The following ZFAT variants were observed in gnomAD, a reference collection of about 807,000 sequenced individuals.
ZFAT encodes zinc finger protein ZFAT.
In ZFAT, 64 loss-of-function variants were observed where a neutral mutation model predicts 117.7. The observed-to-expected ratio is 0.54, with a 90% CI of 0.44 to 0.67. The LOEUF is 0.67. ZFAT is among the 30% of genes least tolerant of loss of function. The probability of loss-of-function intolerance (pLI) is 0.00; values close to 1 mark genes in which losing one functional copy is unlikely to be tolerated. For synonymous variants in ZFAT, 679 were observed against 615.0 expected (o/e 1.10, Z -1.54); for missense variants, 1,433 against 1,584.5 (o/e 0.90, Z 1.62).
intron 2 of ZFAT, among the ~76,000 whole-genome samples, chr8:134,642,674 A>C (rs969944751): frequency 6.6e-6 from 1 of 152,224 alleles, no homozygotes; most frequent in African/African-American, 2.4e-5. Context: ...TCCAATGTAG[A>C]ATTAAAGGCA....
chr8:134,698,949 C>A (rs2131352709), intron 1 of ZFAT, among the ~76,000 whole-genome samples: 1 of 152,314 alleles, frequency 6.6e-6, no homozygotes, highest in African/African-American at 2.4e-5. Context: ...GAATGTTTTT[C>A]TTGATTACTT....
rs1189288227 is a variant in ZFAT, at chr8:134,712,897, C to G, written c.-34G>C. ...CCCACCGCGGAGGAAAAAAAAGCCT[C>G]GGGCTCTTCCGGGCCCCCTCCCGTG... On this transcript the variant is annotated 5_prime_UTR_variant, in exon 1 of 16. Transcript: ENST00000377838. The G allele has an allele frequency of 2.7e-6, 4 of 1,497,180 alleles. No individual in the cohort carries two copies. The African/African-American group carries it at 4.4e-5, about 16-fold the overall frequency. 92.7% of individuals were successfully genotyped at this position (1,497,180 alleles called of 1,614,324 possible).
At chr8:134,534,775 A>AGAGAGAGAG (rs1821706312) in intron 11 of ZFAT, among the ~76,000 whole-genome samples, 77 of 136,440 alleles carry the variant, frequency 5.6e-4, no homozygotes, top group African/African-American at 2.1e-3. Context: ...GAGAGGGAGA[A>AGAGAGAGAG]AGAGAGAGAG....
chr8:134,687,540 C>T (rs1202643681), intron 1 of ZFAT, among the ~76,000 whole-genome samples: 2 of 152,086 alleles, frequency 1.3e-5, no homozygotes, highest in Non-Finnish European at 2.9e-5. Flanking sequence ...AGGAAAGCAC[C>T]ACAAATCATT....
intron 13 of ZFAT, among the ~76,000 whole-genome samples, chr8:134,518,663 T>G (rs1820415809): frequency 6.6e-6 from 1 of 151,896 alleles, no homozygotes; most frequent in South Asian, 2.1e-4. Context: ...GATATTAATT[T>G]TTTCTATATA....
intron 1 of ZFAT, among the ~76,000 whole-genome samples, chr8:134,694,493 T>A (rs945852172): frequency 5.3e-5 from 8 of 152,164 alleles, no homozygotes; most frequent in South Asian, 2.1e-4. Context: ...CTCTCTCCAT[T>A]TTTCTGTAAG....
intron 5 of ZFAT, among the ~76,000 whole-genome samples, chr8:134,604,343 A>G (rs7003870): frequency 0.76 from 115,403 of 152,184 alleles, 44,047 homozygotes; most frequent in East Asian, 0.91. Flanking sequence ...CCTCTCTACC[A>G]CCTGAAATCA....
chr8:134,639,978 G>T, intron 2 of ZFAT: 1 of 352,414 alleles, frequency 2.8e-6, no homozygotes, highest in South Asian at 2.1e-5. Flanking sequence ...CTACAGGGAG[G>T]TGATTTCTAG....
the ZFAT span, among the ~76,000 whole-genome samples, chr8:134,729,640 T>C: frequency 2.0e-5 from 3 of 152,204 alleles, no homozygotes; most frequent in Admixed American, 6.5e-5. Context: ...GCCCCGCTTC[T>C]GACTGCCACT....
the ZFAT span, among the ~76,000 whole-genome samples, chr8:134,820,588 T>C: frequency 1.3e-5 from 2 of 152,232 alleles, no homozygotes; most frequent in East Asian, 3.8e-4. Context: ...GGACCAGCCA[T>C]AGCTAAGTCA....
At chr8:134,817,901 G>A in the ZFAT span, among the ~76,000 whole-genome samples, 6 of 152,050 alleles carry the variant, frequency 3.9e-5, no homozygotes, top group African/African-American at 1.4e-4. Context: ...TTATTCACAG[G>A]GGGAAAAGGG....
At chr8:134,533,787 T>C (rs1821609662) in intron 11 of ZFAT, among the ~76,000 whole-genome samples, 1 of 152,172 alleles carries the variant, frequency 6.6e-6, no homozygotes, top group Non-Finnish European at 1.5e-5. Flanking sequence ...ATAGTGGGGC[T>C]GGGGAAAGAA....
chr8:134,819,870 GA>G, the ZFAT span, among the ~76,000 whole-genome samples: 122 of 144,204 alleles, frequency 8.5e-4, no homozygotes, highest in African/African-American at 2.4e-3. Flanking sequence ...ACGGGGGGAA[GA>G]AAAAAAAAAA....
intron 13 of ZFAT, among the ~76,000 whole-genome samples, chr8:134,515,808 C>T (rs1820212241): frequency 6.6e-6 from 1 of 152,134 alleles, no homozygotes; most frequent in African/African-American, 2.4e-5. Context: ...CCATGCCCTG[C>T]CCCAGGATTA....
At chr8:134,603,797 G>A (rs2130938622) in intron 5 of ZFAT, among the ~76,000 whole-genome samples, 2 of 152,330 alleles carry the variant, frequency 1.3e-5, no homozygotes, top group Non-Finnish European at 2.9e-5. Flanking sequence ...GGGAGAGAAA[G>A]TCTGTCTCAC....
At chr8:134,793,552 G>A in the ZFAT span, 2 of 152,166 alleles carry the variant, frequency 1.3e-5, no homozygotes, top group Non-Finnish European at 2.9e-5. Flanking sequence ...TAAGGAGCAC[G>A]AAACCTAGAT....
intron 1 of ZFAT, among the ~76,000 whole-genome samples, chr8:134,658,337 C>CAAAAAA (rs34770848): frequency 8.5e-6 from 1 of 117,962 alleles, no homozygotes; most frequent in Non-Finnish European, 1.7e-5. Context: ...ATTCTGTCTC[C>CAAAAAA]AAAAAAAAAA....
intron 7 of ZFAT, among the ~76,000 whole-genome samples, chr8:134,597,154 C>G (rs757683200): frequency 1.3e-5 from 2 of 151,698 alleles, no homozygotes; most frequent in Non-Finnish European, 2.9e-5. Context: ...ACTTTATTAT[C>G]AGATCAAAAG....
chr8:134,565,399 C>T lies in ZFAT; in HGVS notation c.2910G>A (p.Val970=). 6.2e-7 allele frequency: 1 copy of T among 1,613,776 alleles called. No individual in the cohort carries two copies. The highest frequency in any genetic ancestry group is 8.5e-7 in the Non-Finnish European group (1 of 1,179,822). ...GCTTCTGGGCCGCTGTGTAGTCACA[C>T]ACCGTGCACTTAAACTGCTTCCCTG... ...TADGKQFKCT[V]CDYTAAQKPQ... is the part of the protein sequence containing the mutation. Residue 970 remains valine (V), a synonymous_variant, in exon 11 of 16, where the codon GTG becomes GTA. Coordinates refer to ENST00000377838, the MANE Select transcript of ZFAT (RefSeq NM_020863.4).
Sources: allele counts gnomAD v4.1 joint callset (sites outside exome capture counted in the v4.1 genomes callset), GRCh38; gene constraint gnomAD v4.1.1; transcripts MANE v1.5; gene names NCBI Gene and HGNC (gene_info 2026-07-23, HGNC 2026-07-21).